PLXND1: variants seen among roughly 807,000 people sequenced by gnomAD.
PLXND1 encodes the protein plexin-D1.
In PLXND1, 54 loss-of-function variants were observed where a neutral mutation model predicts 197.7. The observed-to-expected ratio is 0.27, with a 90% CI of 0.22 to 0.34. PLXND1 has a LOEUF of 0.34. Among genes scored for constraint, PLXND1 ranks in the 10% least tolerant of loss-of-function variants. The pLI is 1.00. For synonymous variants in PLXND1, 1,180 were observed against 1,161.2 expected, an observed-to-expected ratio of 1.02 and a Z score of -0.33; for missense variants, 2,127 against 2,699.2, an observed-to-expected ratio of 0.79 and a Z score of 4.70.
chr3:129,591,111 C>G (rs995545507), intron 1 of PLXND1, among the ~76,000 whole-genome samples: 1 of 152,188 alleles, frequency 6.6e-6, no homozygotes, highest in African/African-American at 2.4e-5. Flanking sequence ...GGCTTCTAGG[C>G]TGGGGCTGTT....
chr3:129,586,363 G>T, intron 3 of PLXND1, 91 bp from the exon 4 acceptor site: 1 of 1,133,142 alleles, frequency 8.8e-7, no homozygotes, highest in Non-Finnish European at 1.3e-6. Flanking sequence ...GCCATGAGAG[G>T]CTGGGGAAAC....
chr3:129,594,034 C>G (rs928911068), intron 1 of PLXND1, among the ~76,000 whole-genome samples: 1 of 152,192 alleles, frequency 6.6e-6, no homozygotes, highest in Non-Finnish European at 1.5e-5. Context: ...TTCAAGAGCC[C>G]GGCTTCTCAG....
intron 27 of PLXND1, 33 bp from the exon 28 acceptor site, chr3:129,561,936 G>A (rs1235150522): frequency 1.3e-6 from 2 of 1,513,386 alleles, no homozygotes; most frequent in Admixed American, 1.7e-5. Flanking sequence ...TCAGGGTCCG[G>A]GCAGGGAGCT....
chr3:129,585,945 G>T lies in PLXND1; in HGVS notation c.1851+7C>A. 6.2e-7 allele frequency: 1 copy of T among 1,613,944 alleles called. No homozygotes were observed. Among genetic ancestry groups the T allele is most frequent in the South Asian group, 1.1e-5 (1 of 91,044 alleles). Reference sequence around the variant, plus strand: ...CCGAGCTGGGTCTTGCCTCCCCCAGGACTCACTGGGTACTCCTGGCGCACA... The same window carrying T: ...CCGAGCTGGGTCTTGCCTCCCCCAGTACTCACTGGGTACTCCTGGCGCACA... On this transcript the variant is annotated splice_region_variant and intron_variant, in intron 5 of 35. Coordinates refer to ENST00000324093, the MANE Select transcript of PLXND1 (RefSeq NM_015103.3).
At chr3:129,579,105 G>A (rs1432165445) in intron 8 of PLXND1, among the ~76,000 whole-genome samples, 1 of 152,142 alleles carries the variant, frequency 6.6e-6, no homozygotes, top group African/African-American at 2.4e-5. Flanking sequence ...CTCTTGTTTG[G>A]TGGTGGAGTC....
intron 1 of PLXND1, among the ~76,000 whole-genome samples, chr3:129,590,746 G>A (rs935283013): frequency 3.9e-5 from 6 of 152,352 alleles, no homozygotes; most frequent in Non-Finnish European, 5.9e-5. Context: ...AGCCCTAGGG[G>A]TCCTATCTCA....
intron 32 of PLXND1, chr3:129,559,355 G>GATCATTAAAAAA: frequency 2.6e-6 from 1 of 383,378 alleles, no homozygotes; most frequent in Non-Finnish European, 4.6e-6. Context: ...GAGGGGTGCG[G>GATCATTAAAAAA]GAGAATGATA....
intron 20 of PLXND1, among the ~76,000 whole-genome samples, chr3:129,569,037 T>A (rs547667470): frequency 6.6e-6 from 1 of 152,392 alleles, no homozygotes; most frequent in East Asian, 1.9e-4. Context: ...ACATTTCATA[T>A]AAATGGCATC....
chr3:129,561,156 CCT>C (rs2085053643), intron 29 of PLXND1: 3 of 466,714 alleles, frequency 6.4e-6, no homozygotes, highest in South Asian at 4.6e-5. Context: ...CCACCCCACC[CCT>C]GAGCCCAGAG....
In PLXND1 at chr3:129,565,341, C is replaced by G; in HGVS notation, c.4520G>C (p.Arg1507Pro). 1 of 1,613,290 alleles carries G rather than the reference C, an allele frequency of 6.2e-7. No individual in the cohort carries two copies. The highest frequency in any genetic ancestry group is 8.5e-7 in the Non-Finnish European group (1 of 1,179,430). Residue 1507 changes from arginine to proline, a missense_variant and splice_region_variant, in exon 25 of 36, where the codon CGG becomes CCG. Physicochemically the swap from Arg to Pro is moderately radical, Grantham distance 103 (BLOSUM62 -2). Transcript: ENST00000324093. ...WMSICMYSCL[R>P]ETVGEPFFLL... ...CTGTCTGTCCCCAGGCAGCCTCACC[C>G]GCAGACAGCTGTACATGCAGATGGA... is the stretch of plus-strand genomic sequence containing the variant.
chr3:129,586,545 C>T lies in PLXND1; in HGVS notation c.1620+43G>A, dbSNP rs865807914. On this transcript the variant is annotated intron_variant, in intron 3 of 35. Transcript: ENST00000324093. ...TAAAGGCCAGGCAAGCAAGAGGGCTCGGCTGGTGCTGGGATGGCGTTGGGC... is the reference window on the plus strand; with the variant it reads ...TAAAGGCCAGGCAAGCAAGAGGGCTTGGCTGGTGCTGGGATGGCGTTGGGC... 15 of 1,553,870 alleles carry T rather than the reference C, an allele frequency of 9.7e-6. No homozygotes were observed. In the East Asian group the frequency reaches 1.4e-4, roughly 15 times the overall value.
chr3:129,559,865 T>C, intron 31 of PLXND1, 82 bp from the exon 32 acceptor site: 2 of 1,206,738 alleles, frequency 1.7e-6, no homozygotes, highest in South Asian at 1.7e-5. Context: ...TCTGCGGAGC[T>C]TGAAATGCCA....
chr3:129,582,058 A>G (rs954476057), intron 8 of PLXND1, among the ~76,000 whole-genome samples: 2 of 152,212 alleles, frequency 1.3e-5, no homozygotes, highest in Admixed American at 6.5e-5. Context: ...GGGCTCCCGT[A>G]TGGTTTCACT....
chr3:129,562,718 C>T, intron 27 of PLXND1, 69 bp downstream of exon 27: 1 of 1,439,396 alleles, frequency 6.9e-7, no homozygotes. Context: ...AGGAGTGTTT[C>T]CCGTCAAGGC....
At chr3:129,593,091 G>A (rs1298987290) in intron 1 of PLXND1, among the ~76,000 whole-genome samples, 6 of 152,192 alleles carry the variant, frequency 3.9e-5, no homozygotes, top group African/African-American at 4.8e-5. Flanking sequence ...GGCTATCCCC[G>A]CAGCGCCCTC....
Position 129,561,722 on chromosome 3 carries a change from GAGAGGCCGAGGTC to G in PLXND1, c.4930-26_4930-14del. 1 of 1,585,256 alleles carries G rather than the reference GAGAGGCCGAGGTC, an allele frequency of 6.3e-7. No homozygotes were observed. The highest frequency in any genetic ancestry group is 8.6e-7 in the Non-Finnish European group (1 of 1,163,530). ...CACCTTCAGGGATCTGATGGGAGGGGAGAGGCCGAGGTCAGAGGCCGGAGGTTGGGGTGGGGGC... is the reference window on the plus strand; with the variant it reads ...CACCTTCAGGGATCTGATGGGAGGGGAGAGGCCGGAGGTTGGGGTGGGGGC... On this transcript the variant is annotated splice_polypyrimidine_tract_variant and intron_variant, in intron 28 of 35. Coordinates refer to ENST00000324093, the MANE Select transcript of PLXND1 (RefSeq NM_015103.3).
chr3:129,557,328 C>T lies in PLXND1; in HGVS notation c.5446-105G>A. On this transcript the variant is annotated intron_variant, in intron 33 of 35. Coordinates refer to ENST00000324093, the MANE Select transcript of PLXND1 (RefSeq NM_015103.3). This position sits in a 1 kb window ranked among gnomAD's most constrained non-coding sequence, Gnocchi z 4.8. ...CCTCCTGCCACATAAGTGACCTTAG[C>T]AGGCCCCCGAGGCCCAAAGAGTCTC... The T allele has an allele frequency of 2.2e-6, 3 of 1,334,860 alleles. No homozygotes were observed. Among genetic ancestry groups the T allele is most frequent in the Non-Finnish European group, 3.1e-6 (3 of 954,508 alleles). 82.7% of individuals were successfully genotyped at this position (1,334,860 alleles called of 1,614,324 possible). A position where few individuals can be genotyped will look rare whatever the true frequency, so the allele number is the denominator to read the frequency against.
intron 1 of PLXND1, among the ~76,000 whole-genome samples, chr3:129,602,691 C>A (rs562865925): frequency 1.3e-5 from 2 of 152,238 alleles, no homozygotes; most frequent in South Asian, 2.1e-4. Context: ...GCAGAACAAG[C>A]CAGATTAGGC....
intron 1 of PLXND1, chr3:129,591,657 T>C (rs1032634418): frequency 6.6e-6 from 1 of 152,194 alleles, no homozygotes; most frequent in African/African-American, 2.4e-5. Context: ...ATGTTATTAT[T>C]ATGAAGTAAA....
Sources: gnomAD v4.1 joint callset for allele counts (sites outside exome capture counted in the v4.1 genomes callset) on GRCh38, gnomAD v4.1.1 for gene constraint, Gnocchi (gnomAD v3.1) non-coding constraint, MANE v1.5 for transcripts, NCBI Gene and HGNC (gene_info 2026-07-23, HGNC 2026-07-21) for gene names.